Variants in SLC10A7 observed in about 807,000 individuals in gnomAD.
SLC10A7 encodes the protein sodium/bile acid cotransporter 7.
Under a neutral mutation model 43.2 loss-of-function variants are expected in SLC10A7, and 29 were observed. That is an observed-to-expected ratio of 0.67 (90% CI 0.50 to 0.92). The LOEUF (loss-of-function observed/expected upper bound fraction) is 0.92. Ranked by LOEUF, SLC10A7 falls within the 40% of genes least tolerant of loss-of-function variation. The pLI is 0.00. For missense variants in SLC10A7, 295 were observed against 403.2 expected (o/e 0.73, Z 2.30); for synonymous variants, 152 against 144.8 (o/e 1.05, Z -0.35).
intron 4 of SLC10A7, among the ~76,000 whole-genome samples, chr4:146,458,004 C>T (rs1487687540): frequency 6.6e-6 from 1 of 151,570 alleles, no homozygotes; most frequent in African/African-American, 2.4e-5. Flanking sequence ...TAACCTGATA[C>T]CAAAATCAGA....
At chr4:146,520,059 C>CT (rs1336288423) in intron 1 of SLC10A7, among the ~76,000 whole-genome samples, 3 of 152,212 alleles carry the variant, frequency 2.0e-5, no homozygotes, top group Admixed American at 2.0e-4. Flanking sequence ...CAACACCTTT[C>CT]TTCCCACAGA....
chr4:146,498,031 T>G (rs1159366700), intron 4 of SLC10A7, among the ~76,000 whole-genome samples: 1 of 151,910 alleles, frequency 6.6e-6, no homozygotes, highest in Non-Finnish European at 1.5e-5. Context: ...ATCTTTTGCC[T>G]CCCATGTCAG....
At chr4:146,472,165 C>T (rs1425654750) in intron 4 of SLC10A7, among the ~76,000 whole-genome samples, 2 of 146,390 alleles carry the variant, frequency 1.4e-5, no homozygotes, top group Admixed American at 7.0e-5. Context: ...AAAAAAAATG[C>T]ACTGCTGTCA....
At position 146,326,917 on chromosome 4, in the gene SLC10A7, G is replaced by GACAC. The variant is rs71640636; in HGVS notation, c.436-925_436-922dup. ...GCCTAAGACAGAAAAGAGAGGGACA[G>GACAC]ACACACACACACACACACACACACA... is the stretch of plus-strand genomic sequence containing the variant. On this transcript the variant is annotated intron_variant, in intron 5 of 11. Transcript: ENST00000335472. 4.5e-3 allele frequency among the ~76,000 whole-genome samples: 667 copies of GACAC among 147,460 alleles called. 2 individuals are homozygous for GACAC. The highest frequency in any genetic ancestry group is 7.5e-3 in the Non-Finnish European group (503 of 66,648).
intron 5 of SLC10A7, among the ~76,000 whole-genome samples, chr4:146,373,638 A>G (rs3849033): frequency 0.48 from 72,894 of 151,938 alleles, 17,933 homozygotes; most frequent in East Asian, 0.63. Flanking sequence ...TGAAATGTAC[A>G]TTATAAAAAT....
intron 11 of SLC10A7, among the ~76,000 whole-genome samples, chr4:146,257,676 C>T (rs190087369): frequency 5.9e-5 from 9 of 152,288 alleles, no homozygotes; most frequent in Admixed American, 3.3e-4. Flanking sequence ...ACACTCATCA[C>T]GTAATCCTCT....
chr4:146,519,328 A>T (rs1172449118), intron 1 of SLC10A7, among the ~76,000 whole-genome samples: 2 of 145,370 alleles, frequency 1.4e-5, no homozygotes, highest in Non-Finnish European at 3.0e-5. Context: ...ATTATTTAAC[A>T]TAATATATAA....
At chr4:146,478,192 C>T (rs1188512109) in intron 4 of SLC10A7, 1 of 152,160 alleles carries the variant, frequency 6.6e-6, no homozygotes, top group East Asian at 1.9e-4. Flanking sequence ...TGTTGCCTAC[C>T]ATAGCCTGGC....
At chr4:146,504,575 T>C (rs961968226) in intron 3 of SLC10A7, among the ~76,000 whole-genome samples, 3 of 150,920 alleles carry the variant, frequency 2.0e-5, no homozygotes, top group African/African-American at 7.3e-5. Flanking sequence ...TTGGTAAGTG[T>C]ATATAGTCTT....
intron 4 of SLC10A7, among the ~76,000 whole-genome samples, chr4:146,455,076 A>G (rs922715996): frequency 6.6e-6 from 1 of 151,852 alleles, no homozygotes; most frequent in African/African-American, 2.4e-5. Context: ...TATCTCTTCC[A>G]GAAAAGAATA....
chr4:146,324,176 A>G (rs1732942020), intron 6 of SLC10A7, among the ~76,000 whole-genome samples: 1 of 152,198 alleles, frequency 6.6e-6, no homozygotes, highest in South Asian at 2.1e-4. Context: ...ATAAAAGAAG[A>G]TACAAACAAA....
intron 5 of SLC10A7, among the ~76,000 whole-genome samples, chr4:146,395,258 GC>G (rs1738738469): frequency 6.6e-6 from 1 of 152,098 alleles, no homozygotes; most frequent in Non-Finnish European, 1.5e-5. Context: ...CTAACATAGT[GC>G]CAGAACATAG....
intron 5 of SLC10A7, among the ~76,000 whole-genome samples, chr4:146,336,743 T>C (rs1429679913): frequency 6.6e-6 from 1 of 151,990 alleles, no homozygotes; most frequent in Non-Finnish European, 1.5e-5. Flanking sequence ...TGGAGATCAG[T>C]GCAGAGGGGG....
chr4:146,283,086 G>A lies in SLC10A7; in HGVS notation c.847+106C>T. On this transcript the variant is annotated intron_variant, in intron 10 of 11. Transcript: ENST00000335472. ...CTACTGTTCCTTATCTAATAGTGTG[G>A]ACAACACCCCATTCCATTTAATTTG... The A allele has an allele frequency of 2.3e-5, 20 of 867,880 alleles. No individual in the cohort carries two copies. The South Asian group carries it at 3.1e-4, about 14-fold the overall frequency. 53.8% of individuals were successfully genotyped at this position (867,880 alleles called of 1,614,324 possible).
intron 7 of SLC10A7, among the ~76,000 whole-genome samples, chr4:146,305,385 T>A (rs1290387421): frequency 2.2e-5 from 3 of 135,154 alleles, no homozygotes; most frequent in African/African-American, 8.4e-5. Flanking sequence ...TGAGATCACA[T>A]GGACACAGGA....
intron 2 of SLC10A7, chr4:146,515,282 C>T (rs1737842214): frequency 1.6e-6 from 1 of 641,368 alleles, no homozygotes; most frequent in African/African-American, 1.8e-5. Context: ...AAAGCAGTTC[C>T]ATAAAGAGCA....
chr4:146,451,155 T>A (rs1183876922), intron 4 of SLC10A7, among the ~76,000 whole-genome samples: 1 of 88,480 alleles, frequency 1.1e-5, no homozygotes. Context: ...AAAGTACATA[T>A]AAAAAAGGAG....
chr4:146,434,091 A>G (rs1488557440), intron 5 of SLC10A7, among the ~76,000 whole-genome samples: 1 of 152,154 alleles, frequency 6.6e-6, no homozygotes, highest in African/African-American at 2.4e-5. Flanking sequence ...ATAAAACAAA[A>G]TCAAGTTATC....
chr4:146,430,419 A>C (rs1317860218), intron 5 of SLC10A7, among the ~76,000 whole-genome samples: 3 of 152,240 alleles, frequency 2.0e-5, no homozygotes, highest in Non-Finnish European at 2.9e-5. Context: ...TACCAAAAGC[A>C]CAATAATGTT....
Sources: allele counts gnomAD v4.1 joint callset (sites outside exome capture counted in the v4.1 genomes callset), GRCh38; gene constraint gnomAD v4.1.1; transcripts MANE v1.5; gene names NCBI Gene and HGNC (gene_info 2026-07-23, HGNC 2026-07-21).